Variants in MYO5B observed in about 807,000 individuals in gnomAD.
The protein encoded by MYO5B is unconventional myosin-Vb.
In MYO5B, 143 loss-of-function variants were observed where a neutral mutation model predicts 229.3. The observed-to-expected ratio is 0.62, with a 90% CI of 0.54 to 0.72. The LOEUF (loss-of-function observed/expected upper bound fraction) is 0.72, where lower values mean the gene tolerates loss of function less well. Ranked by LOEUF, MYO5B falls within the 30% of genes least tolerant of loss-of-function variation. The pLI, the probability that MYO5B is intolerant of heterozygous loss-of-function variation, is 0.00. For missense variants in MYO5B, 2,321 were observed against 2,331.0 expected (o/e 1.00, Z 0.09); for synonymous variants, 918 against 885.2 (o/e 1.04, Z -0.66).
chr18:50,175,240 A>G (rs2144339425), intron 1 of MYO5B, among the ~76,000 whole-genome samples: 1 of 151,312 alleles, frequency 6.6e-6, no homozygotes, highest in South Asian at 2.1e-4. Flanking sequence ...CTTTACTTTC[A>G]CTCTCCTCCA....
intron 1 of MYO5B, among the ~76,000 whole-genome samples, chr18:50,168,575 C>G (rs1268785229): frequency 1.3e-5 from 2 of 152,164 alleles, no homozygotes; most frequent in East Asian, 1.9e-4. Context: ...CCATCCAGGA[C>G]AGATGTGCTC....
chr18:49,986,787 G>A (rs1288505770), intron 7 of MYO5B, among the ~76,000 whole-genome samples: 1 of 152,148 alleles, frequency 6.6e-6, no homozygotes, highest in Admixed American at 6.5e-5. Context: ...AAAGAAGACT[G>A]TCTATATTAT....
chr18:50,153,277 A>G (rs76899835), intron 1 of MYO5B, among the ~76,000 whole-genome samples: 3,888 of 152,308 alleles, frequency 0.026, 163 homozygotes, highest in African/African-American at 0.089. Flanking sequence ...ATAAGACTTC[A>G]GTGCTCCAAG....
intron 14 of MYO5B, among the ~76,000 whole-genome samples, chr18:49,942,380 CAAAAAAAAAAA>C: frequency 3.1e-5 from 1 of 32,750 alleles, no homozygotes; most frequent in African/African-American, 1.3e-4. Flanking sequence ...TTCTGCACAG[CAAAAAAAAAAA>C]AAAAAAAAAA....
chr18:49,824,777 GAAAGAA>G lies in MYO5B; in HGVS notation c.*1688_*1693del, dbSNP rs1396482724. 1 of 152,204 alleles carries G rather than the reference GAAAGAA, an allele frequency of 6.6e-6. No homozygotes were observed. Among genetic ancestry groups the G allele is most frequent in the Non-Finnish European group, 1.5e-5 (1 of 68,034 alleles). The allele number at this position is 152,204 out of a possible 1,614,324, so 9.4% of individuals were successfully genotyped here. Reference sequence around the variant, plus strand: ...CGTCAGTGATTATGTAACTGTAACTGAAAGAAAAAGGCACAGCTCTGCCGATGCCCA... The same window carrying G: ...CGTCAGTGATTATGTAACTGTAACTGAAAGGCACAGCTCTGCCGATGCCCA... On this transcript the variant is annotated 3_prime_UTR_variant, in exon 40 of 40. Coordinates refer to ENST00000285039, the MANE Select transcript of MYO5B (RefSeq NM_001080467.3).
At chr18:50,045,350 G>T (rs1221626498) in intron 2 of MYO5B, among the ~76,000 whole-genome samples, 1 of 152,166 alleles carries the variant, frequency 6.6e-6, no homozygotes, top group South Asian at 2.1e-4. Context: ...GCGTGACTCA[G>T]TTCCCAAGCT....
At chr18:50,192,017 G>A (rs796510162) in intron 1 of MYO5B, among the ~76,000 whole-genome samples, 10 of 152,070 alleles carry the variant, frequency 6.6e-5, no homozygotes, top group African/African-American at 2.4e-4. Context: ...TTGAAGAAGG[G>A]ACGAAGCGAT....
rs566416170 is a variant in MYO5B at position 49,826,285 on chromosome 18, G to C, written c.*186C>G. ...CATATTTCAAGTGTTTTTATTCTGA[G>C]CAGTAGGTACAAAAAATAATGACAT... On this transcript the variant is annotated 3_prime_UTR_variant, in exon 40 of 40. Coordinates refer to ENST00000285039, the MANE Select transcript of MYO5B (RefSeq NM_001080467.3). 15 of 693,544 alleles carry C rather than the reference G, an allele frequency of 2.2e-5. No homozygotes were observed. The highest frequency in any genetic ancestry group is 3.4e-5 in the Non-Finnish European group (14 of 413,560). The allele number at this position is 693,544 out of a possible 1,614,324, so 43.0% of individuals were successfully genotyped here.
intron 9 of MYO5B, among the ~76,000 whole-genome samples, chr18:49,977,393 AAACTACTG>A (rs1178865625): frequency 6.6e-6 from 1 of 152,122 alleles, no homozygotes; most frequent in African/African-American, 2.4e-5. Context: ...TTAAAAATAA[AAACTACTG>A]AGCAGAAGGC....
intron 10 of MYO5B, among the ~76,000 whole-genome samples, chr18:49,968,531 T>C (rs1013673487): frequency 1.4e-5 from 2 of 146,044 alleles, no homozygotes; most frequent in Non-Finnish European, 3.0e-5. Context: ...GGTGCTGGGG[T>C]GATTACCCTT....
intron 1 of MYO5B, among the ~76,000 whole-genome samples, chr18:50,078,183 T>C (rs2031132821): frequency 6.6e-6 from 1 of 152,230 alleles, no homozygotes; most frequent in Admixed American, 6.5e-5. Flanking sequence ...AACTAAATCC[T>C]TCCACAGGAG....
rs1568119950 is a variant in MYO5B at position 50,134,604 on chromosome 18, T to TAAA, written c.27+60162_27+60163insTTT. Among the ~76,000 whole-genome samples, 11 of 145,990 alleles carry TAAA rather than the reference T, an allele frequency of 7.5e-5. No individual in the cohort carries two copies. In the South Asian group the frequency reaches 1.5e-3, roughly 21 times the overall value. On this transcript the variant is annotated intron_variant, in intron 1 of 39. Transcript: ENST00000285039. ...AATAAATAAATAAATAAATAAATAA[T>TAAA]AGCAGCCTCAAGGGTTAGTATTCCA...
At chr18:50,006,929 A>C (rs955844902) in intron 4 of MYO5B, among the ~76,000 whole-genome samples, 4 of 152,130 alleles carry the variant, frequency 2.6e-5, no homozygotes, top group African/African-American at 9.7e-5. Flanking sequence ...CTATATGTAC[A>C]CAGAACCCAC....
At chr18:50,037,442 C>A (rs181447612) in intron 3 of MYO5B, among the ~76,000 whole-genome samples, 2 of 152,112 alleles carry the variant, frequency 1.3e-5, no homozygotes, top group South Asian at 2.1e-4. Context: ...AAATAACATG[C>A]GGACAGAGAA....
intron 4 of MYO5B, among the ~76,000 whole-genome samples, chr18:50,024,097 A>G (rs1470667523): frequency 6.6e-6 from 1 of 152,242 alleles, no homozygotes; most frequent in Non-Finnish European, 1.5e-5. Flanking sequence ...GTTCGTACAC[A>G]TCAGGTAATT....
chr18:49,946,509 A>G (rs368746641), intron 14 of MYO5B: 6 of 152,186 alleles, frequency 3.9e-5, no homozygotes, highest in East Asian at 1.9e-4. Context: ...AGAATCACCA[A>G]TGGGAGAATT....
At chr18:50,051,486 A>T (rs2030391468) in intron 2 of MYO5B, among the ~76,000 whole-genome samples, 1 of 152,202 alleles carries the variant, frequency 6.6e-6, no homozygotes. Context: ...GGCAGGAGTC[A>T]AGCAGTCAAA....
At chr18:50,051,389 T>C (rs2030387592) in intron 2 of MYO5B, among the ~76,000 whole-genome samples, 1 of 152,050 alleles carries the variant, frequency 6.6e-6, no homozygotes. Flanking sequence ...TCAAGGTGGG[T>C]GATAGATAGT....
intron 35 of MYO5B, among the ~76,000 whole-genome samples, chr18:49,841,142 CT>C (rs1433425996): frequency 6.6e-6 from 1 of 152,140 alleles, no homozygotes; most frequent in East Asian, 1.9e-4. Context: ...CCCAGGAGTG[CT>C]TTTTGGGGCC....
Sources: gnomAD v4.1 joint callset for allele counts (sites outside exome capture counted in the v4.1 genomes callset) on GRCh38, gnomAD v4.1.1 for gene constraint, MANE v1.5 for transcripts, NCBI Gene and HGNC (gene_info 2026-07-23, HGNC 2026-07-21) for gene names.